The following MYO19 variants were observed in gnomAD, a reference collection of about 807,000 sequenced individuals.
The protein encoded by MYO19 is unconventional myosin-XIX.
MYO19 carries 132 observed loss-of-function variants against 129.2 expected under a neutral mutation model. That is an observed-to-expected ratio of 1.02 (90% CI 0.89 to 1.18). The LOEUF (loss-of-function observed/expected upper bound fraction) is 1.18, where lower values mean the gene tolerates loss of function less well. Ranked by LOEUF, MYO19 falls within the 50% of genes most tolerant of loss-of-function variation. The pLI, the probability that MYO19 is intolerant of heterozygous loss-of-function variation, is 0.00. For synonymous variants in MYO19, 531 were observed against 477.2 expected (o/e 1.11, Z -1.47); for missense variants, 1,210 against 1,216.7 (o/e 0.99, Z 0.08).
upstream of MYO19, among the ~76,000 whole-genome samples, chr17:36,539,608 A>G (rs2074185634): frequency 2.1e-5 from 1 of 47,654 alleles, no homozygotes; most frequent in African/African-American, 6.3e-5. Flanking sequence ...CCTGTCTACA[A>G]AAAAAAAAAT....
At chr17:36,497,701 C>T in intron 25 of MYO19, 1 of 252,540 alleles carries the variant, frequency 4.0e-6, no homozygotes, top group Non-Finnish European at 6.3e-6. Context: ...TCTCATGCCT[C>T]AGCCTCCCGA....
chr17:36,528,024 C>A (rs1349777333), intron 4 of MYO19, 40 bp downstream of exon 4: 1 of 1,596,186 alleles, frequency 6.3e-7, no homozygotes, highest in Non-Finnish European at 8.6e-7. Context: ...CACCTCCAAC[C>A]TCCTGGAGAT....
chr17:36,527,764 C>A, intron 4 of MYO19, 65 bp from the exon 5 acceptor site: 1 of 1,514,798 alleles, frequency 6.6e-7, no homozygotes, highest in East Asian at 2.3e-5. Context: ...CACAGACACA[C>A]ATCTACTTAA....
chr17:36,528,126 C>T lies in MYO19; in HGVS notation c.89G>A (p.Gly30Glu). 1 of 1,613,580 alleles carries T rather than the reference C, an allele frequency of 6.2e-7. No homozygotes were observed. Among genetic ancestry groups the T allele is most frequent in the African/African-American group, 1.3e-5 (1 of 75,030 alleles). Reference protein sequence around the residue: ...LREDLQEFLGGEVLLYKLDDL... With the variant: ...LREDLQEFLGEEVLLYKLDDL... Reference sequence around the variant, plus strand: ...ATCCAGTTTGTACAGCAGGACCTCCCCACCCAGGAACTCCTGCAGGTCTTC... The same window carrying T: ...ATCCAGTTTGTACAGCAGGACCTCCTCACCCAGGAACTCCTGCAGGTCTTC... Residue 30 changes from glycine to glutamate, a missense_variant, in exon 4 of 26, where the codon GGG becomes GAG. Physicochemically the swap from Gly to Glu is moderately conservative, Grantham distance 98. Coordinates refer to ENST00000614623, the MANE Select transcript of MYO19 (RefSeq NM_001163735.2).
chr17:36,505,010 A>G (rs1164190455), intron 19 of MYO19: 2 of 605,628 alleles, frequency 3.3e-6, no homozygotes, highest in Non-Finnish European at 6.2e-6. Context: ...GCTAATCACG[A>G]GACACCCATT....
chr17:36,518,212 C>T (rs1411551794), intron 6 of MYO19, among the ~76,000 whole-genome samples: 1 of 151,988 alleles, frequency 6.6e-6, no homozygotes, highest in African/African-American at 2.4e-5. Context: ...TGGCTCACGC[C>T]TGGAATCCCA....
chr17:36,518,554 G>A (rs12600926), intron 6 of MYO19, among the ~76,000 whole-genome samples: 37,200 of 65,650 alleles, frequency 0.57, 8,456 homozygotes, highest in Middle Eastern at 0.6. Flanking sequence ...ATATATATAT[G>A]TGTATGTGTA....
At chr17:36,508,111 C>T in intron 14 of MYO19, 187 bp from the exon 15 acceptor site, 1 of 516,458 alleles carries the variant, frequency 1.9e-6, no homozygotes, top group Admixed American at 3.8e-5. Context: ...CAAGGTGGCT[C>T]CCATCTCTAC....
chr17:36,514,041 G>C (rs569511627), intron 9 of MYO19, among the ~76,000 whole-genome samples: 4 of 152,214 alleles, frequency 2.6e-5, no homozygotes, highest in Non-Finnish European at 5.9e-5. Context: ...CCGATTTTGA[G>C]AGAAAGGGAG....
rs758494235 is a variant in MYO19 at position 36,527,630 on chromosome 17, G to C, written c.221C>G (p.Ala74Gly). Reference protein sequence around the residue: ...FYTNAGCTLVALNPFKPVPQL... With the variant: ...FYTNAGCTLVGLNPFKPVPQL... ...AGGAACAGGCTTGAAGGGGTTCAAGGCTACCAGGGTGCAGCCAGCATTGGT... is the reference window on the plus strand; with the variant it reads ...AGGAACAGGCTTGAAGGGGTTCAAGCCTACCAGGGTGCAGCCAGCATTGGT... The change falls in exon 5 of 26, where the codon GCC (alanine) becomes GGC (glycine). Residue 74 changes from alanine (A) to glycine (G), a missense_variant. Coordinates refer to ENST00000614623, the MANE Select transcript of MYO19 (RefSeq NM_001163735.2). The C allele has an allele frequency of 1.9e-6, 3 of 1,613,886 alleles. No homozygotes were observed. Among genetic ancestry groups the C allele is most frequent in the South Asian group, 1.1e-5 (1 of 91,084 alleles).
rs374853991 is a variant in MYO19, at chr17:36,506,411, C to T, written c.1797+45G>A. On this transcript the variant is annotated intron_variant, in intron 18 of 25. Coordinates refer to ENST00000614623, the MANE Select transcript of MYO19 (RefSeq NM_001163735.2). ...GGTGCTCAATAAATATTTGTGAGAC[C>T]GTGGAGTTTGAACCAAGCACCTCCC... 1.0e-3 allele frequency: 1,684 copies of T among 1,604,262 alleles called. 5 individuals are homozygous for T. The highest frequency in any genetic ancestry group is 4.7e-3 in the African/African-American group (331 of 70,074).
At chr17:36,504,988 T>A in intron 19 of MYO19, 1 of 535,950 alleles carries the variant, frequency 1.9e-6, no homozygotes. Flanking sequence ...TGTGTGGTGA[T>A]GTAGACTTTC....
chr17:36,544,146 T>G (rs1363951062), upstream of MYO19, among the ~76,000 whole-genome samples: 1 of 152,244 alleles, frequency 6.6e-6, no homozygotes, highest in Non-Finnish European at 1.5e-5. Flanking sequence ...CCAGTGCCAG[T>G]ACTTCGCCCA....
Position 36,534,832 on chromosome 17 carries a change from C to G in MYO19, c.-367G>C, listed in dbSNP as rs1435648675. ...GACTGGAAAGGCGGGCGGGCCAGGT[C>G]AGGCGGCGGGAAGAACACGGGCAGG... On this transcript the variant is annotated 5_prime_UTR_variant, in exon 1 of 26. Coordinates refer to ENST00000614623, the MANE Select transcript of MYO19 (RefSeq NM_001163735.2). The G allele has an allele frequency of 3.3e-5, 5 of 152,536 alleles. No homozygotes were observed. Among genetic ancestry groups the G allele is most frequent in the East Asian group, 1.9e-4 (1 of 5,182 alleles). The allele number at this position is 152,536 out of a possible 1,614,324, so 9.4% of individuals were successfully genotyped here. A position where few individuals can be genotyped will look rare whatever the true frequency, so the allele number is the denominator to read the frequency against.
At chr17:36,496,498 A>C (rs572854052) in intron 25 of MYO19, 92 bp from the exon 26 acceptor site, 1 of 1,233,504 alleles carries the variant, frequency 8.1e-7, no homozygotes, top group African/African-American at 1.5e-5. Flanking sequence ...AAATGCAAGA[A>C]GGTATGGACA....
Position 36,513,176 on chromosome 17 carries a change from C to CT in MYO19, c.894+252_894+253insA, listed in dbSNP as rs1292956820. On this transcript the variant is annotated intron_variant, in intron 11 of 25. Coordinates refer to ENST00000614623, the MANE Select transcript of MYO19 (RefSeq NM_001163735.2). ...TGATCATGCGGTACCTTGCTCTCTGCCCCCATGGATCACTTACTGCATTCT... is the reference window on the plus strand; with the variant it reads ...TGATCATGCGGTACCTTGCTCTCTGCTCCCCATGGATCACTTACTGCATTCT... 1.1e-5 allele frequency: 16 copies of CT among 1,415,830 alleles called. No homozygotes were observed. The East Asian group carries it at 3.8e-4, about 34-fold the overall frequency. The allele number at this position is 1,415,830 out of a possible 1,614,324, so 87.7% of individuals were successfully genotyped here.
At chr17:36,527,727 C>T (rs184280787) in intron 4 of MYO19, 28 bp from the exon 5 acceptor site, 104 of 1,597,058 alleles carry the variant, frequency 6.5e-5, no homozygotes, top group African/African-American at 1.9e-4. Context: ...TTAGCAAACT[C>T]GGGCTCAAAT....
upstream of MYO19, chr17:36,537,386 T>G: frequency 6.2e-7 from 1 of 1,614,020 alleles, no homozygotes; most frequent in Non-Finnish European, 8.5e-7. Flanking sequence ...GGCTGTTGTA[T>G]CAAATATACC....
At chr17:36,509,924 A>G (rs1184096615) in intron 13 of MYO19, 1 of 152,248 alleles carries the variant, frequency 6.6e-6, no homozygotes, top group Non-Finnish European at 1.5e-5. Context: ...AGCTTGAGGC[A>G]GTGGTAACTA....
Sources: gnomAD v4.1 joint callset for allele counts (sites outside exome capture counted in the v4.1 genomes callset) on GRCh38, gnomAD v4.1.1 for gene constraint, MANE v1.5 for transcripts, NCBI Gene and HGNC (gene_info 2026-07-23, HGNC 2026-07-21) for gene names.